SLC47A1: variants seen among roughly 807,000 people sequenced by gnomAD.
The protein encoded by SLC47A1 is multidrug and toxin extrusion protein 1.
A neutral mutation model predicts 65.8 loss-of-function variants in SLC47A1; 58 were observed. The observed-to-expected ratio is 0.88, with a 90% confidence interval of 0.71 to 1.10. SLC47A1 has a LOEUF of 1.10. SLC47A1 is among the 50% of genes least tolerant of loss of function. The probability of loss-of-function intolerance (pLI) is 0.00; values close to 1 mark genes in which losing one functional copy is unlikely to be tolerated. For missense variants in SLC47A1, 706 were observed against 719.2 expected, an observed-to-expected ratio of 0.98 and a Z score of 0.21; for synonymous variants, 285 against 295.0, an observed-to-expected ratio of 0.97 and a Z score of 0.35.
At chr17:19,577,195 T>C (rs1164771607) in intron 16 of SLC47A1, 132 bp from the exon 17 acceptor site, 1 of 1,259,252 alleles carries the variant, frequency 7.9e-7, no homozygotes, top group Non-Finnish European at 1.1e-6. Flanking sequence ...TTCTTTTATT[T>C]ATTCACTGTA....
In SLC47A1 at chr17:19,559,794, A is replaced by C. The variant is rs1025689786; in HGVS notation, c.922-394A>C. On this transcript the variant is annotated intron_variant, in intron 10 of 16. Coordinates refer to ENST00000270570, the MANE Select transcript of SLC47A1 (RefSeq NM_018242.3). Reference sequence around the variant, plus strand: ...GTGATCCACCTGCCTCGGCCTCCCAAAGTGCTGGGATTACAGGCATGAGCC... The same window carrying C: ...GTGATCCACCTGCCTCGGCCTCCCACAGTGCTGGGATTACAGGCATGAGCC... Among the ~76,000 whole-genome samples the C allele has an allele frequency of 2.0e-5, 3 of 152,104 alleles. 1 individual carries two copies. Among genetic ancestry groups the C allele is most frequent in the African/African-American group, 7.2e-5 (3 of 41,518 alleles).
chr17:19,534,250 C>T, intron 1 of SLC47A1, 176 bp downstream of exon 1: 2 of 778,792 alleles, frequency 2.6e-6, no homozygotes, highest in Middle Eastern at 4.2e-4. Flanking sequence ...GCCTGCGTCC[C>T]GGCCGCTTTC....
rs537426975 is a variant in SLC47A1, at chr17:19,577,043, G to A, written c.1487-284G>A. On this transcript the variant is annotated intron_variant, in intron 16 of 16. Transcript: ENST00000270570. ...ATTACAGGCATGAGCCACCGCGCCC[G>A]GCTTCCCTGTGAATTTTAATGGAGA... 9.7e-4 allele frequency among the ~76,000 whole-genome samples: 147 copies of A among 152,220 alleles called. 1 individual carries two copies. The highest frequency in any genetic ancestry group is 5.8e-4 in the East Asian group (3 of 5,160).
chr17:19,566,914 A>G, intron 13 of SLC47A1, 55 bp downstream of exon 13: 1 of 1,601,766 alleles, frequency 6.2e-7, no homozygotes, highest in Non-Finnish European at 8.5e-7. Flanking sequence ...GATGGTGGTA[A>G]ATTTCAGCTG....
intron 14 of SLC47A1, 114 bp downstream of exon 14, chr17:19,567,342 C>G: frequency 6.9e-7 from 1 of 1,454,696 alleles, no homozygotes; most frequent in East Asian, 2.3e-5. Context: ...AGCTCGCCCA[C>G]GTCCATTCTG....
At chr17:19,546,015 G>C (rs1043697613) in intron 2 of SLC47A1, among the ~76,000 whole-genome samples, 29 of 152,108 alleles carry the variant, frequency 1.9e-4, no homozygotes, top group Non-Finnish European at 5.9e-5. Context: ...GAGGTCAAGA[G>C]ATCAAACCAT....
At chr17:19,562,419 G>T (rs2084318776) in intron 12 of SLC47A1, among the ~76,000 whole-genome samples, 1 of 151,998 alleles carries the variant, frequency 6.6e-6, no homozygotes, top group Non-Finnish European at 1.5e-5. Context: ...AAAAAAATTA[G>T]CTAGGCGTGG....
chr17:19,578,566 GGTACACACC>G lies in SLC47A1; in HGVS notation c.*1016_*1024del, dbSNP rs1198636896. The G allele has an allele frequency of 6.4e-6, 1 of 157,062 alleles. No homozygotes were observed. The highest frequency in any genetic ancestry group is 1.4e-5 in the Non-Finnish European group (1 of 71,374). The allele number at this position is 157,062 out of a possible 1,614,324, so 9.7% of individuals were successfully genotyped here. A position where few individuals can be genotyped will look rare whatever the true frequency, so the allele number is the denominator to read the frequency against. On this transcript the variant is annotated 3_prime_UTR_variant, in exon 17 of 17. Transcript: ENST00000270570. ...ACTTCATTAAGCCTTCCTGGGGTGC[GGTACACACC>G]GTTAATTCAGCAACCCTCAGTACAT...
chr17:19,560,564 C>T, intron 12 of SLC47A1, 71 bp downstream of exon 12: 1 of 1,480,824 alleles, frequency 6.8e-7, no homozygotes, highest in Non-Finnish European at 9.4e-7. Context: ...AATTTGTTCT[C>T]TAAAATCAGG....
chr17:19,549,790 T>G (rs17683662), intron 5 of SLC47A1, 113 bp downstream of exon 5: 12,056 of 1,143,366 alleles, frequency 0.011, 119 homozygotes, highest in Admixed American at 0.035. Flanking sequence ...TTATCTGTGG[T>G]GTTGGTGCCT....
At chr17:19,552,093 G>A (rs1027341319) in intron 6 of SLC47A1, among the ~76,000 whole-genome samples, 4 of 152,200 alleles carry the variant, frequency 2.6e-5, no homozygotes, top group African/African-American at 9.7e-5. Context: ...AATGGATCCC[G>A]GCCACACTGG....
chr17:19,553,896 G>T (rs918429682), intron 6 of SLC47A1, among the ~76,000 whole-genome samples: 6 of 152,114 alleles, frequency 3.9e-5, no homozygotes, highest in African/African-American at 1.4e-4. Flanking sequence ...ACCTTAACCT[G>T]TCTCCATCCA....
intron 1 of SLC47A1, 79 bp downstream of exon 1, chr17:19,534,153 G>A: frequency 7.1e-7 from 1 of 1,412,394 alleles, no homozygotes; most frequent in Admixed American, 2.6e-5. Flanking sequence ...GGGTGACTTT[G>A]GCGGGCTTTG....
chr17:19,539,907 G>T (rs1046741862), intron 1 of SLC47A1, among the ~76,000 whole-genome samples: 1 of 152,136 alleles, frequency 6.6e-6, no homozygotes, highest in Admixed American at 6.5e-5. Context: ...CTGAGAAGAG[G>T]TTAGTAAATC....
chr17:19,559,922 G>A (rs2084293958), intron 10 of SLC47A1, among the ~76,000 whole-genome samples: 1 of 152,120 alleles, frequency 6.6e-6, no homozygotes, highest in Non-Finnish European at 1.5e-5. Context: ...CCCAGAGGAG[G>A]AACATGGTTG....
chr17:19,557,381 G>A (rs968362931), intron 10 of SLC47A1: 1 of 172,066 alleles, frequency 5.8e-6, no homozygotes, highest in African/African-American at 2.4e-5. Flanking sequence ...CTATATCTAA[G>A]TCAAAATGCT....
chr17:19,559,274 T>C (rs563050044), intron 10 of SLC47A1, among the ~76,000 whole-genome samples: 4 of 152,336 alleles, frequency 2.6e-5, no homozygotes, highest in African/African-American at 9.6e-5. Context: ...TTCAGAATCC[T>C]GATCCCTAAC....
intron 1 of SLC47A1, among the ~76,000 whole-genome samples, chr17:19,538,935 C>T (rs1916066142): frequency 1.3e-5 from 2 of 152,154 alleles, no homozygotes; most frequent in African/African-American, 4.8e-5. Context: ...CACGGTCAGT[C>T]TGGAAGTTTC....
chr17:19,548,196 G>T lies in SLC47A1; in HGVS notation c.455+63G>T, dbSNP rs567263913. 4.5e-5 allele frequency: 70 copies of T among 1,560,576 alleles called. No homozygotes were observed. The South Asian group carries it at 8.1e-4, about 18-fold the overall frequency. On this transcript the variant is annotated intron_variant, in intron 4 of 16. Transcript: ENST00000270570. The stretch of plus-strand genomic sequence containing the variant: ...TCCCACGGAAAGATTATCCTGTCTG[G>T]GTGCAGCCAGGGCCAGGGACAAGGC...
Sources: allele counts gnomAD v4.1 joint callset (sites outside exome capture counted in the v4.1 genomes callset), GRCh38; gene constraint gnomAD v4.1.1; transcripts MANE v1.5; gene names NCBI Gene and HGNC (gene_info 2026-07-23, HGNC 2026-07-21).